The following LY96 variants were observed in gnomAD, a reference collection of about 807,000 sequenced individuals.
LY96 encodes lymphocyte antigen 96, also known as myeloid differentiation protein-2.
A neutral mutation model predicts 18.9 loss-of-function variants in LY96; 18 were observed. The observed-to-expected ratio is 0.95, with a 90% CI of 0.66 to 1.41. The LOEUF is 1.41. LY96 is among the 40% of genes most tolerant of loss of function. LY96 has a pLI of 0.00. For synonymous variants in LY96, 66 were observed against 62.6 expected, an observed-to-expected ratio of 1.06 and a Z score of -0.26; for missense variants, 175 against 182.4, an observed-to-expected ratio of 0.96 and a Z score of 0.23.
the LY96 span, among the ~76,000 whole-genome samples, chr8:74,064,964 C>G: frequency 6.6e-6 from 1 of 152,114 alleles, no homozygotes; most frequent in Non-Finnish European, 1.5e-5. Flanking sequence ...GAAAATGTTA[C>G]TGGGGGTGTA....
At chr8:74,044,965 A>G in the LY96 span, among the ~76,000 whole-genome samples, 1 of 152,138 alleles carries the variant, frequency 6.6e-6, no homozygotes, top group Non-Finnish European at 1.5e-5. Flanking sequence ...ACATTATACA[A>G]CCTCTGTGGT....
chr8:74,051,197 G>A, the LY96 span, among the ~76,000 whole-genome samples: 2 of 152,162 alleles, frequency 1.3e-5, no homozygotes, highest in Admixed American at 6.5e-5. Context: ...TCAAAGCAAG[G>A]GAAGTGAAGA....
At chr8:73,999,319 G>A (rs1233448174) in intron 1 of LY96, among the ~76,000 whole-genome samples, 1 of 152,018 alleles carries the variant, frequency 6.6e-6, no homozygotes. Flanking sequence ...AGGATGGAGA[G>A]CAGTGGCACA....
chr8:74,078,191 G>A, the LY96 span, among the ~76,000 whole-genome samples: 3 of 151,916 alleles, frequency 2.0e-5, no homozygotes, highest in Non-Finnish European at 4.4e-5. Context: ...AATTCAACAA[G>A]TAAATCCAGA....
the LY96 span, among the ~76,000 whole-genome samples, chr8:74,088,409 G>A: frequency 6.6e-6 from 1 of 152,128 alleles, no homozygotes; most frequent in Non-Finnish European, 1.5e-5. Context: ...CAAAGCAGTT[G>A]CTAAGTCTTC....
chr8:74,003,499 T>C (rs1816343821), intron 1 of LY96, among the ~76,000 whole-genome samples: 3 of 152,256 alleles, frequency 2.0e-5, no homozygotes. Flanking sequence ...AGCCTTGCAC[T>C]GGTTTATCTC....
chr8:74,054,815 C>T, the LY96 span, among the ~76,000 whole-genome samples: 427 of 151,598 alleles, frequency 2.8e-3, no homozygotes, highest in African/African-American at 9.6e-3. Flanking sequence ...AGGCATGTGC[C>T]GCCATGCCCA....
chr8:74,016,519 A>G (rs1586656706), intron 3 of LY96, among the ~76,000 whole-genome samples: 1 of 152,292 alleles, frequency 6.6e-6, no homozygotes, highest in East Asian at 1.9e-4. Flanking sequence ...TGGTTCTCCC[A>G]GCATGGTGTT....
At chr8:74,017,780 A>T (rs1816674486) in intron 3 of LY96, among the ~76,000 whole-genome samples, 1 of 152,194 alleles carries the variant, frequency 6.6e-6, no homozygotes, top group South Asian at 2.1e-4. Flanking sequence ...TTCAACCCAG[A>T]ATTTCATACC....
intron 2 of LY96, 125 bp from the exon 3 acceptor site, chr8:74,009,876 T>A (rs1816494155): frequency 1.4e-6 from 1 of 719,266 alleles, no homozygotes; most frequent in African/African-American, 1.8e-5. Context: ...TGTAGATAGT[T>A]GTGATGATTA....
chr8:74,023,133 G>A lies in LY96; in HGVS notation c.332-3656G>A, dbSNP rs570232235. Reference sequence around the variant, plus strand: ...GTATGAACCCACCTTCCCTGGACCGGTTCTTGGTTCCCGCTGCCCACTTCC... The same window carrying A: ...GTATGAACCCACCTTCCCTGGACCGATTCTTGGTTCCCGCTGCCCACTTCC... On this transcript the variant is annotated intron_variant, in intron 3 of 4. Coordinates refer to ENST00000284818, the MANE Select transcript of LY96 (RefSeq NM_015364.5). Among the ~76,000 whole-genome samples the A allele has an allele frequency of 1.4e-4, 21 of 152,308 alleles. 1 individual carries two copies. In the Middle Eastern group the frequency reaches 0.02, roughly 148 times the overall value.
At chr8:74,029,228 G>A, downstream of LY96, 1 of 565,576 alleles carries the variant, frequency 1.8e-6, no homozygotes. Flanking sequence ...ATCATGCAGA[G>A]CCACCTGGGG....
chr8:73,996,389 C>CA (rs1816141872), intron 1 of LY96, among the ~76,000 whole-genome samples: 4 of 42,696 alleles, frequency 9.4e-5, no homozygotes, highest in East Asian at 4.5e-4. Context: ...TTCTTTCTTT[C>CA]TTTCTTTCTT....
At chr8:74,081,051 T>TA in the LY96 span, among the ~76,000 whole-genome samples, 355 of 129,910 alleles carry the variant, frequency 2.7e-3, 2 homozygotes, top group Middle Eastern at 7.6e-3. Context: ...TCTTTCTTTT[T>TA]CTTTCTTTCT....
At position 73,994,632 on chromosome 8, in the gene LY96, G is replaced by A. The variant is rs527623385; in HGVS notation, c.112+3078G>A. On this transcript the variant is annotated intron_variant, in intron 1 of 4. Coordinates refer to ENST00000284818, the MANE Select transcript of LY96 (RefSeq NM_015364.5). ...CTCCCAAGTAGCTGGGACTACAGGC[G>A]TGCACCACCATGTCTGGCTAATTTT... Among the ~76,000 whole-genome samples, 16 of 151,676 alleles carry A rather than the reference G, an allele frequency of 1.1e-4. No homozygotes were observed. In the South Asian group the frequency reaches 2.9e-3, roughly 28 times the overall value.
intron 3 of LY96, among the ~76,000 whole-genome samples, chr8:74,019,434 T>A (rs1379696937): frequency 6.6e-6 from 1 of 152,080 alleles, no homozygotes; most frequent in Non-Finnish European, 1.5e-5. Flanking sequence ...ATTAATAGCC[T>A]ACCAACCAAA....
At chr8:74,092,142 T>C in the LY96 span, among the ~76,000 whole-genome samples, 5 of 152,188 alleles carry the variant, frequency 3.3e-5, no homozygotes, top group Non-Finnish European at 7.3e-5. Context: ...AATTCATATA[T>C]TGGCCTTTTG....
At chr8:74,076,861 G>T in the LY96 span, among the ~76,000 whole-genome samples, 1 of 152,110 alleles carries the variant, frequency 6.6e-6, no homozygotes, top group Non-Finnish European at 1.5e-5. Context: ...TCTACCTGAA[G>T]TTGGCATCAG....
chr8:74,021,838 G>T lies in LY96; in HGVS notation c.332-4951G>T, dbSNP rs553828908. Reference sequence around the variant, plus strand: ...TTGTAAGGACAGAAAACCAAACACTGCATATTCTCACTCATAGGTGGGAAT... The same window carrying T: ...TTGTAAGGACAGAAAACCAAACACTTCATATTCTCACTCATAGGTGGGAAT... On this transcript the variant is annotated intron_variant, in intron 3 of 4. Coordinates refer to ENST00000284818, the MANE Select transcript of LY96 (RefSeq NM_015364.5). Among the ~76,000 whole-genome samples, 28 of 151,900 alleles carry T rather than the reference G, an allele frequency of 1.8e-4. 1 individual carries two copies. In the South Asian group the frequency reaches 2.9e-3, roughly 16 times the overall value.
Sources: allele counts gnomAD v4.1 joint callset (sites outside exome capture counted in the v4.1 genomes callset), GRCh38; gene constraint gnomAD v4.1.1; transcripts MANE v1.5; gene names NCBI Gene and HGNC (gene_info 2026-07-23, HGNC 2026-07-21).